The following STAB2 variants were observed in gnomAD, a reference collection of about 807,000 sequenced individuals.
STAB2 encodes the protein stabilin 2.
In STAB2, 288 loss-of-function variants were observed where a neutral mutation model predicts 338.1. That is an observed-to-expected ratio of 0.85 (90% CI 0.77 to 0.94). The LOEUF is 0.94. STAB2 is among the 40% of genes least tolerant of loss of function. STAB2 has a pLI of 0.00. For synonymous variants in STAB2, 1,202 were observed against 1,193.3 expected, an observed-to-expected ratio of 1.01 and a Z score of -0.15; for missense variants, 3,141 against 3,210.1, an observed-to-expected ratio of 0.98 and a Z score of 0.52.
At chr12:103,648,665 G>A (rs778668734) in intron 9 of STAB2, 25 bp from the exon 10 acceptor site, 3 of 1,610,160 alleles carry the variant, frequency 1.9e-6, no homozygotes, top group East Asian at 4.5e-5. Flanking sequence ...AAAACCCTGA[G>A]GATGTCTTTT....
At chr12:103,607,743 TC>T (rs1393383529) in intron 3 of STAB2, among the ~76,000 whole-genome samples, 1 of 152,232 alleles carries the variant, frequency 6.6e-6, no homozygotes, top group African/African-American at 2.4e-5. Flanking sequence ...TGCATAGTAT[TC>T]CATGGTATAT....
chr12:103,719,690 A>G (rs1880601154), intron 44 of STAB2, among the ~76,000 whole-genome samples: 1 of 152,230 alleles, frequency 6.6e-6, no homozygotes, highest in Admixed American at 6.5e-5. Context: ...TGTTATCTGG[A>G]GATCCTTAAT....
intron 63 of STAB2, among the ~76,000 whole-genome samples, chr12:103,757,694 C>A (rs2139223853): frequency 6.6e-6 from 1 of 152,302 alleles, no homozygotes; most frequent in East Asian, 1.9e-4. Flanking sequence ...AAAGGATGAG[C>A]AGCAGGAGCG....
Position 103,755,318 on chromosome 12 carries a change from G to A in STAB2, c.6731G>A (p.Cys2244Tyr), listed in dbSNP as rs1422509489. ...SYAQKAKYHLCSAGWLETGRV... is the reference protein window; with the variant it reads ...SYAQKAKYHLYSAGWLETGRV... The stretch of plus-strand genomic sequence containing the variant: ...TCCCTGCAGGCCAAGTACCACCTGT[G>A]CTCAGCAGGCTGGCTGGAGACCGGG... The change falls in exon 62 of 69, where the codon TGC becomes TAC. Residue 2244 changes from cysteine (C) to tyrosine (Y), a missense_variant. Transcript: ENST00000388887. 6.2e-7 allele frequency: 1 copy of A among 1,614,024 alleles called. No individual in the cohort carries two copies. Among genetic ancestry groups the A allele is most frequent in the Non-Finnish European group, 8.5e-7 (1 of 1,180,030 alleles).
chr12:103,691,425 C>G (rs1054601253), intron 30 of STAB2, among the ~76,000 whole-genome samples: 3 of 152,146 alleles, frequency 2.0e-5, no homozygotes, highest in African/African-American at 7.2e-5. Context: ...AACAGTGGTC[C>G]TATGGCTTTT....
chr12:103,705,728 G>A lies in STAB2; in HGVS notation c.3996+1G>A. The A allele has an allele frequency of 6.2e-7, 1 of 1,614,006 alleles. No homozygotes were observed. Among genetic ancestry groups the A allele is most frequent in the Non-Finnish European group, 8.5e-7 (1 of 1,179,854 alleles). ...GCCAAAATGTGTGAGAACCGTCATTGTGAGTACAATAATTGAATCATACTA... is the reference window on the plus strand; with the variant it reads ...GCCAAAATGTGTGAGAACCGTCATTATGAGTACAATAATTGAATCATACTA... On this transcript the variant is annotated splice_donor_variant, in intron 37 of 68. Transcript: ENST00000388887. LOFTEE classifies it high-confidence loss of function.
At chr12:103,757,090 T>G (rs932068644) in intron 63 of STAB2, among the ~76,000 whole-genome samples, 1 of 149,492 alleles carries the variant, frequency 6.7e-6, no homozygotes, top group Non-Finnish European at 1.5e-5. Flanking sequence ...TTATATATAT[T>G]TTGTTTGTTT....
Position 103,638,095 on chromosome 12 carries a change from A to G in STAB2, c.789A>G (p.Thr263=). The part of the protein sequence containing the change: ...TYLGPNRHSC[T]CQEGYRGDGQ... ...TGGGACCAAATCGGCACAGTTGTAC[A>G]TGCCAAGAAGGCTACCGTGGGGATG... Residue 263 remains threonine, a synonymous_variant, in exon 8 of 69, where the codon ACA becomes ACG. Coordinates refer to ENST00000388887, the MANE Select transcript of STAB2 (RefSeq NM_017564.10). 13 of 1,614,226 alleles carry G rather than the reference A, an allele frequency of 8.1e-6. No homozygotes were observed. The highest frequency in any genetic ancestry group is 1.1e-5 in the Non-Finnish European group (13 of 1,180,042).
At chr12:103,590,622 G>T (rs759052058) in intron 1 of STAB2, among the ~76,000 whole-genome samples, 1 of 152,180 alleles carries the variant, frequency 6.6e-6, no homozygotes, top group African/African-American at 2.4e-5. Flanking sequence ...TACCTTGCTA[G>T]ATTTCAGACT....
At chr12:103,675,532 G>A (rs1299104076) in intron 23 of STAB2, among the ~76,000 whole-genome samples, 2 of 152,250 alleles carry the variant, frequency 1.3e-5, no homozygotes, top group African/African-American at 2.4e-5. Flanking sequence ...AAAAAGGCAG[G>A]TTCTGGTAAA....
Position 103,662,905 on chromosome 12 carries a change from C to T in STAB2, c.1929C>T (p.Gly643=), listed in dbSNP as rs1217399127. 6.2e-7 allele frequency: 1 copy of T among 1,614,008 alleles called. No homozygotes were observed. The highest frequency in any genetic ancestry group is 2.2e-5 in the East Asian group (1 of 44,896). Residue 643 remains glycine (G), a synonymous_variant, in exon 18 of 69, where the codon GGC becomes GGT. Transcript: ENST00000388887. ...AAATTGAGATCACTGCCAAAAATGG[C>T]CGAATTTACACACTGACAGGAGTTC... ...MEEIEITAKN[G]RIYTLTGVLI...
At chr12:103,632,998 G>A (rs1957488238) in intron 6 of STAB2, among the ~76,000 whole-genome samples, 1 of 152,240 alleles carries the variant, frequency 6.6e-6, no homozygotes, top group Non-Finnish European at 1.5e-5. Context: ...TTGAGATGCC[G>A]TGAGCGGTGG....
chr12:103,710,445 GC>G (rs1348091789), intron 39 of STAB2, among the ~76,000 whole-genome samples: 1 of 152,146 alleles, frequency 6.6e-6, no homozygotes, highest in Non-Finnish European at 1.5e-5. Flanking sequence ...CAAACTCCTC[GC>G]TCCTAAGTCC....
chr12:103,742,581 G>C, intron 56 of STAB2, 27 bp downstream of exon 56: 1 of 1,613,672 alleles, frequency 6.2e-7, no homozygotes, highest in South Asian at 1.1e-5. Context: ...CTCCGTGCTA[G>C]AGCTTGTTTT....
chr12:103,676,168 T>C (rs1208817969), intron 24 of STAB2, 147 bp downstream of exon 24: 1 of 525,008 alleles, frequency 1.9e-6, no homozygotes, highest in African/African-American at 2.0e-5. Context: ...TTCAAGCGAT[T>C]CTCCTGCCTC....
intron 10 of STAB2, 128 bp from the exon 11 acceptor site, chr12:103,650,368 A>G (rs1873645610): frequency 3.0e-6 from 2 of 665,816 alleles, no homozygotes; most frequent in Admixed American, 2.5e-5. Context: ...GGGCCTACAC[A>G]TGCCCATTAG....
At chr12:103,730,992 G>A (rs1881591847) in intron 49 of STAB2, among the ~76,000 whole-genome samples, 1 of 152,190 alleles carries the variant, frequency 6.6e-6, no homozygotes, top group African/African-American at 2.4e-5. Flanking sequence ...GATGCTTGCA[G>A]TGAGCTGAGG....
At chr12:103,626,422 G>C (rs1449524678) in intron 5 of STAB2, among the ~76,000 whole-genome samples, 6 of 152,186 alleles carry the variant, frequency 3.9e-5, no homozygotes, top group African/African-American at 1.4e-4. Flanking sequence ...GTTACCGAGG[G>C]CAAGCTATTT....
intron 68 of STAB2, 180 bp downstream of exon 68, chr12:103,763,788 T>A (rs1884714906): frequency 3.6e-6 from 2 of 557,312 alleles, no homozygotes; most frequent in South Asian, 4.8e-5. Flanking sequence ...TGCTCAGAGT[T>A]CCTGGGTTCT....
Sources: gnomAD v4.1 joint callset for allele counts (sites outside exome capture counted in the v4.1 genomes callset) on GRCh38, gnomAD v4.1.1 for gene constraint, MANE v1.5 for transcripts, NCBI Gene and HGNC (gene_info 2026-07-23, HGNC 2026-07-21) for gene names.